PDGFA: variants seen among roughly 807,000 people sequenced by gnomAD.
PDGFA encodes platelet derived growth factor subunit A.
Under a neutral mutation model 25.6 loss-of-function variants are expected in PDGFA, and 9 were observed. The ratio of observed to expected loss-of-function variants is 0.35; its 90% CI spans 0.21 to 0.61. The LOEUF is 0.61. PDGFA is among the 20% of genes least tolerant of loss of function. The pLI is 0.75. For missense variants in PDGFA, 242 were observed against 272.8 expected, an observed-to-expected ratio of 0.89 and a Z score of 0.79; for synonymous variants, 133 against 111.8, an observed-to-expected ratio of 1.19 and a Z score of -1.20.
chr7:501,304 G>A (rs1484988735), intron 4 of PDGFA, 62 bp from the exon 5 acceptor site: 3 of 1,602,888 alleles, frequency 1.9e-6, no homozygotes, highest in Middle Eastern at 1.6e-4. Context: ...ATCACGACGT[G>A]CTGGGAGCCG....
chr7:497,309 T>C (rs1336361944), exon 6 of PDGFA: 1 of 151,708 alleles, frequency 6.6e-6, no homozygotes, highest in Non-Finnish European at 1.5e-5. Flanking sequence ...AAAAAGAACA[T>C]AGCAGGCTCT....
At chr7:519,149 G>C (rs1489105147) in exon 1 of PDGFA, 4 of 528,780 alleles carry the variant, frequency 7.6e-6, no homozygotes, top group East Asian at 3.4e-5. Context: ...AGCTGGCGGA[G>C]CGCGCCCGGC....
At chr7:520,108 T>A (rs1282630207), upstream of PDGFA, 9 of 390,808 alleles carry the variant, frequency 2.3e-5, no homozygotes, top group Middle Eastern at 4.0e-4. Flanking sequence ...TCCCTCGAGC[T>A]TGCCCACCCT....
At chr7:497,266 G>A (rs930125080) in exon 6 of PDGFA, 2 of 151,960 alleles carry the variant, frequency 1.3e-5, no homozygotes, top group Admixed American at 1.3e-4. Context: ...GGTTTTGTTG[G>A]TGGTATTTTT....
At chr7:506,214 A>G (rs1782561278) in intron 4 of PDGFA, among the ~76,000 whole-genome samples, 1 of 149,252 alleles carries the variant, frequency 6.7e-6, no homozygotes, top group Non-Finnish European at 1.5e-5. Context: ...GGCGTGGAGG[A>G]GGTTCATACC....
At chr7:503,072 A>G (rs1329694951) in intron 4 of PDGFA, among the ~76,000 whole-genome samples, 1 of 151,962 alleles carries the variant, frequency 6.6e-6, no homozygotes, top group African/African-American at 2.4e-5. Context: ...AAACCCCAGC[A>G]CTCATTTCAT....
chr7:500,240 G>A lies in PDGFA; in HGVS notation c.580+876C>T, dbSNP rs1216179458. On this transcript the variant is annotated intron_variant, in intron 5 of 5. Coordinates refer to ENST00000402802, the Ensembl canonical transcript of PDGFA. This position sits in a 1 kb window ranked among gnomAD's most constrained non-coding sequence, Gnocchi z 5.0. ...AGGCTCCCAAGCGGGAGTGAGCCAC[G>A]GGCCAGGGCGTTCTGCGAGGCAGGA... Among the ~76,000 whole-genome samples the A allele has an allele frequency of 3.3e-5, 5 of 152,322 alleles. No homozygotes were observed. In the South Asian group the frequency reaches 6.2e-4, roughly 19 times the overall value.
At chr7:503,994 C>G (rs1393472516) in intron 4 of PDGFA, among the ~76,000 whole-genome samples, 2 of 152,178 alleles carry the variant, frequency 1.3e-5, no homozygotes, top group East Asian at 3.9e-4. Flanking sequence ...TTCCCCAGGA[C>G]AGAATCCTCC....
chr7:510,965 C>T, exon 4 of PDGFA: 3 of 1,612,850 alleles, frequency 1.9e-6, no homozygotes, highest in South Asian at 1.1e-5. Flanking sequence ...AAATGACCGT[C>T]CTGGTCTTGC....
intron 2 of PDGFA, among the ~76,000 whole-genome samples, chr7:516,306 C>T (rs1407077092): frequency 1.3e-5 from 2 of 149,804 alleles, no homozygotes; most frequent in Non-Finnish European, 3.0e-5. Context: ...TGGCATGAAA[C>T]GAAAATAGTT....
chr7:501,791 TG>T (rs945469859), intron 4 of PDGFA, among the ~76,000 whole-genome samples: 1 of 152,120 alleles, frequency 6.6e-6, no homozygotes, highest in Non-Finnish European at 1.5e-5. Context: ...CACGTGTGCC[TG>T]GGGGGGCTGA....
At chr7:508,227 C>A (rs548288978) in intron 4 of PDGFA, among the ~76,000 whole-genome samples, 22 of 152,164 alleles carry the variant, frequency 1.4e-4, no homozygotes, top group African/African-American at 3.6e-4. Context: ...TGAAATAATT[C>A]TTTTCTAAAG....
chr7:504,365 C>A (rs1029619317), intron 4 of PDGFA, among the ~76,000 whole-genome samples: 1 of 152,124 alleles, frequency 6.6e-6, no homozygotes, highest in Admixed American at 6.5e-5. Context: ...GGGACCTCAG[C>A]CACCCCCAGC....
intron 4 of PDGFA, among the ~76,000 whole-genome samples, chr7:508,590 T>TAAAAAAAAAAACC (rs1275774675): frequency 6.1e-5 from 8 of 130,896 alleles, no homozygotes; most frequent in Admixed American, 1.7e-4. Flanking sequence ...AAAAAAAAAT[T>TAAAAAAAAAAACC]CTCAGCTGAG....
intron 2 of PDGFA, chr7:513,198 A>G (rs1782943165): frequency 6.5e-6 from 1 of 154,904 alleles, no homozygotes; most frequent in Admixed American, 6.2e-5. Context: ...GGCATCTGCG[A>G]GCCGTGTTTA....
At chr7:520,204 G>A, upstream of PDGFA, 1 of 230,646 alleles carries the variant, frequency 4.3e-6, no homozygotes, top group Non-Finnish European at 8.8e-6. Context: ...CGCCTCTCTC[G>A]GGCCCCAGCG....
At chr7:518,709 C>T (rs1392330121) in intron 1 of PDGFA, among the ~76,000 whole-genome samples, 1 of 152,218 alleles carries the variant, frequency 6.6e-6, no homozygotes, top group Non-Finnish European at 1.5e-5. Context: ...CCCACTCGTC[C>T]ACCTCGCTGC....
rs889129405 is a variant in PDGFA, at chr7:505,255, TG to T, written c.454-4014del. ...AGGCCCCAAGCCGAAGCCCAAGTGA[TG>T]GGGGGGGTCCCCATGTCCCTCCCCT... On this transcript the variant is annotated intron_variant, in intron 4 of 5. Transcript: ENST00000402802. Among the ~76,000 whole-genome samples the T allele has an allele frequency of 2.2e-3, 328 of 152,042 alleles. 1 individual carries two copies. Among genetic ancestry groups the T allele is most frequent in the African/African-American group, 6.8e-3 (284 of 41,494 alleles).
At chr7:518,202 C>T (rs913502869) in intron 1 of PDGFA, among the ~76,000 whole-genome samples, 2 of 152,230 alleles carry the variant, frequency 1.3e-5, no homozygotes, top group African/African-American at 4.8e-5. Flanking sequence ...ACCACCCTCA[C>T]CTCTGGCCTC....
Sources: gnomAD v4.1 joint callset for allele counts (sites outside exome capture counted in the v4.1 genomes callset) on GRCh38, gnomAD v4.1.1 for gene constraint, Gnocchi (gnomAD v3.1) non-coding constraint, MANE v1.5 for transcripts, NCBI Gene and HGNC (gene_info 2026-07-23, HGNC 2026-07-21) for gene names.